NCAPG: variants seen among roughly 807,000 people sequenced by gnomAD.
NCAPG encodes the protein non-SMC condensin I complex subunit G.
Under a neutral mutation model 113.1 loss-of-function variants are expected in NCAPG, and 69 were observed. The observed-to-expected ratio is 0.61, with a 90% CI of 0.50 to 0.75. NCAPG has a LOEUF of 0.75. NCAPG is among the 30% of genes least tolerant of loss of function. The pLI is 0.00. For missense variants in NCAPG, 1,058 were observed against 1,177.0 expected (o/e 0.90, Z 1.48); for synonymous variants, 370 against 415.8 (o/e 0.89, Z 1.34).
chr4:17,813,547 T>C (rs1482746705), intron 3 of NCAPG, among the ~76,000 whole-genome samples: 1 of 152,198 alleles, frequency 6.6e-6, no homozygotes, highest in Non-Finnish European at 1.5e-5. Context: ...GCCCATTTTT[T>C]CATTGGGTTT....
chr4:17,837,898 T>C, intron 16 of NCAPG, 97 bp downstream of exon 16: 1 of 1,321,902 alleles, frequency 7.6e-7, no homozygotes, highest in Non-Finnish European at 1.1e-6. Context: ...TTTTGGTCTT[T>C]AGACTTCTGT....
At chr4:17,837,135 T>C in intron 14 of NCAPG, 24 bp from the exon 15 acceptor site, 1 of 1,605,012 alleles carries the variant, frequency 6.2e-7, no homozygotes, top group South Asian at 1.1e-5. Context: ...ATAAATTTCT[T>C]CTAATGAATG....
rs984998708 is a variant in NCAPG, at chr4:17,844,403, C to T, written c.*978C>T. 2.6e-5 allele frequency: 4 copies of T among 152,312 alleles called. No individual in the cohort carries two copies. Among genetic ancestry groups the T allele is most frequent in the African/African-American group, 9.7e-5 (4 of 41,400 alleles). 9.4% of individuals were successfully genotyped at this position (152,312 alleles called of 1,614,324 possible). A position where few individuals can be genotyped will look rare whatever the true frequency, so the allele number is the denominator to read the frequency against. Reference sequence around the variant, plus strand: ...ATAATTGTGCTTTTTTTAGGCTTATCATCTACTAGAGGCCATTTACTTAAG... The same window carrying T: ...ATAATTGTGCTTTTTTTAGGCTTATTATCTACTAGAGGCCATTTACTTAAG... On this transcript the variant is annotated 3_prime_UTR_variant, in exon 21 of 21. Transcript: ENST00000251496.
chr4:17,815,815 C>T (rs548131760), intron 5 of NCAPG, among the ~76,000 whole-genome samples: 8 of 152,282 alleles, frequency 5.3e-5, no homozygotes, highest in African/African-American at 1.4e-4. Context: ...TGAGCCACCG[C>T]GTCTGGCCAA....
rs1424794490 is a variant in NCAPG, at chr4:17,811,249, G to A, written c.111+61G>A. 12 of 1,009,428 alleles carry A rather than the reference G, an allele frequency of 1.2e-5. No homozygotes were observed. Among genetic ancestry groups the A allele is most frequent in the African/African-American group, 1.7e-5 (1 of 58,278 alleles). 62.5% of individuals were successfully genotyped at this position (1,009,428 alleles called of 1,614,324 possible). On this transcript the variant is annotated intron_variant, in intron 1 of 20. Coordinates refer to ENST00000251496, the MANE Select transcript of NCAPG (RefSeq NM_022346.5). This position sits in a 1 kb window ranked among gnomAD's most constrained non-coding sequence, Gnocchi z 5.3. ...CGCCCCGGCCCACCCTCCCTCAGGG[G>A]CCCTCCGTGGCCCTCGGGCTCGGCG...
At position 17,818,382 on chromosome 4, in the gene NCAPG, A is replaced by T. The variant is rs10428474; in HGVS notation, c.1118+294A>T. Among the ~76,000 whole-genome samples the T allele has an allele frequency of 4.5e-3, 679 of 152,172 alleles. 9 individuals carry two copies. The highest frequency in any genetic ancestry group is 0.016 in the African/African-American group (648 of 41,500). On this transcript the variant is annotated intron_variant, in intron 7 of 20. Coordinates refer to ENST00000251496, the MANE Select transcript of NCAPG (RefSeq NM_022346.5). The stretch of plus-strand genomic sequence containing the variant: ...TATTATTTCTGAAATTGGTTGGCAC[A>T]TTTTCTGTTAAGTGTCAGATAATAA...
chr4:17,837,595 T>A, intron 15 of NCAPG, 32 bp from the exon 16 acceptor site: 1 of 1,581,174 alleles, frequency 6.3e-7, no homozygotes, highest in Non-Finnish European at 8.6e-7. Flanking sequence ...AATAATGTTC[T>A]GCCAACATAC....
chr4:17,838,055 ACT>A (rs1220476726), intron 16 of NCAPG, among the ~76,000 whole-genome samples: 1 of 152,210 alleles, frequency 6.6e-6, no homozygotes. Context: ...CCCACCTAGT[ACT>A]GACTGTTAAT....
chr4:17,817,918 C>T (rs764183041), intron 6 of NCAPG, 21 bp from the exon 7 acceptor site: 129 of 1,576,896 alleles, frequency 8.2e-5, no homozygotes, highest in Non-Finnish European at 1.1e-4. Flanking sequence ...CTTTCTCTCA[C>T]ACTCTTTCTT....
At chr4:17,819,420 T>C (rs567654944) in intron 7 of NCAPG, among the ~76,000 whole-genome samples, 45 of 152,126 alleles carry the variant, frequency 3.0e-4, no homozygotes, top group Admixed American at 2.9e-3. Context: ...TTTTTTTTTT[T>C]GAGACGGAGT....
intron 16 of NCAPG, 148 bp downstream of exon 16, chr4:17,837,949 G>A: frequency 2.5e-6 from 2 of 805,096 alleles, no homozygotes; most frequent in African/African-American, 1.8e-5. Context: ...ACATGACCTT[G>A]GGAAATGTGG....
At position 17,837,726 on chromosome 4, in the gene NCAPG, T is replaced by G; in HGVS notation, c.2391T>G (p.Asn797Lys). ...CTTTAGCTGAAATTGATATCACAAA[T>G]GTTGCTGAGTTACTTGTAGATTTGA... ...SSPLAEIDIT[N>K]VAELLVDLTR... The change falls in exon 16 of 21, where the codon AAT (asparagine) becomes AAG (lysine). Residue 797 changes from asparagine (N) to lysine (K), a missense_variant. Coordinates refer to ENST00000251496, the MANE Select transcript of NCAPG (RefSeq NM_022346.5). 6.2e-7 allele frequency: 1 copy of G among 1,614,062 alleles called. No homozygotes were observed. Among genetic ancestry groups the G allele is most frequent in the Non-Finnish European group, 8.5e-7 (1 of 1,179,922 alleles).
rs746631602 is a variant in NCAPG at position 17,843,707 on chromosome 4, C to CT, written c.*285dup. On this transcript the variant is annotated 3_prime_UTR_variant, in exon 21 of 21. Transcript: ENST00000251496. Reference sequence around the variant, plus strand: ...TCTCTCCAAGTGATTCTTATGAACTCTTTATGTTTAAAATCATGTCATTAT... The same window carrying CT: ...TCTCTCCAAGTGATTCTTATGAACTCTTTTATGTTTAAAATCATGTCATTAT... 5.7e-5 allele frequency: 12 copies of CT among 210,482 alleles called. No individual in the cohort carries two copies. Among genetic ancestry groups the CT allele is most frequent in the South Asian group, 4.8e-4 (4 of 8,264 alleles). 13.0% of individuals were successfully genotyped at this position (210,482 alleles called of 1,614,324 possible).
intron 12 of NCAPG, among the ~76,000 whole-genome samples, chr4:17,830,236 T>A (rs886780142): frequency 6.6e-6 from 1 of 151,300 alleles, no homozygotes; most frequent in African/African-American, 2.4e-5. Context: ...TGCAAAAAAA[T>A]AGAAAAATTA....
In NCAPG at chr4:17,840,049, T is replaced by A. The variant is rs570822315; in HGVS notation, c.2629-22T>A. The A allele has an allele frequency of 2.5e-6, 4 of 1,588,916 alleles. No homozygotes were observed. In the East Asian group the frequency reaches 9.0e-5, roughly 36 times the overall value. On this transcript the variant is annotated intron_variant, in intron 17 of 20. Coordinates refer to ENST00000251496, the MANE Select transcript of NCAPG (RefSeq NM_022346.5). ...TAGGGAATGCGGTGTTTACAAAATGTTAATAATGTTTTCTTTTATAGCAAG... is the reference window on the plus strand; with the variant it reads ...TAGGGAATGCGGTGTTTACAAAATGATAATAATGTTTTCTTTTATAGCAAG...
intron 7 of NCAPG, among the ~76,000 whole-genome samples, chr4:17,821,193 G>T (rs1299216885): frequency 6.6e-6 from 1 of 151,900 alleles, no homozygotes; most frequent in Non-Finnish European, 1.5e-5. Flanking sequence ...GAGATACAAA[G>T]ATGAGTATAA....
intron 20 of NCAPG, chr4:17,842,780 A>G (rs573622035): frequency 1.2e-4 from 21 of 169,364 alleles, no homozygotes; most frequent in Admixed American, 3.5e-4. Flanking sequence ...GGCTTCTGTC[A>G]GTCAAGCCAC....
chr4:17,811,072 AGAGCCATG>A lies in NCAPG; in HGVS notation c.-4_4del. ...GCAGGACTCGTCCCGGCAGGGTTCC[AGAGCCATG>A]GGAGCGGAAAGGAGGCTGCTGTCGA... is the stretch of plus-strand genomic sequence containing the variant. On this transcript the variant is annotated start_lost and 5_prime_UTR_variant, in exon 1 of 21. Transcript: ENST00000251496. This position sits in a 1 kb window ranked among gnomAD's most constrained non-coding sequence, Gnocchi z 5.3. The A allele has an allele frequency of 1.3e-6, 2 of 1,493,468 alleles. No homozygotes were observed. Among genetic ancestry groups the A allele is most frequent in the Non-Finnish European group, 1.8e-6 (2 of 1,116,870 alleles). 92.5% of individuals were successfully genotyped at this position (1,493,468 alleles called of 1,614,324 possible).
chr4:17,839,850 C>T lies in NCAPG; in HGVS notation c.2628+13C>T. 3 of 1,571,826 alleles carry T rather than the reference C, an allele frequency of 1.9e-6. No individual in the cohort carries two copies. Among genetic ancestry groups the T allele is most frequent in the Non-Finnish European group, 2.6e-6 (3 of 1,168,500 alleles). Reference sequence around the variant, plus strand: ...TGAGATTCTGGAGGTAAAGTAGTTTCTCATTACTCTAAATTAGTTTGTGTT... The same window carrying T: ...TGAGATTCTGGAGGTAAAGTAGTTTTTCATTACTCTAAATTAGTTTGTGTT... On this transcript the variant is annotated intron_variant, in intron 17 of 20. Transcript: ENST00000251496.
Sources: allele counts gnomAD v4.1 joint callset (sites outside exome capture counted in the v4.1 genomes callset), GRCh38; gene constraint gnomAD v4.1.1; non-coding constraint Gnocchi (gnomAD v3.1); transcripts MANE v1.5; gene names NCBI Gene and HGNC (gene_info 2026-07-23, HGNC 2026-07-21).